Variants in DOCK7 observed in about 807,000 individuals in gnomAD.
The protein encoded by DOCK7 is dedicator of cytokinesis protein 7.
Under a neutral mutation model 271.0 loss-of-function variants are expected in DOCK7, and 138 were observed. The observed-to-expected ratio is 0.51, with a 90% confidence interval of 0.44 to 0.59. The LOEUF (loss-of-function observed/expected upper bound fraction) is 0.59, where lower values mean the gene tolerates loss of function less well. DOCK7 is among the 20% of genes least tolerant of loss of function. The probability of loss-of-function intolerance (pLI) is 0.00; values close to 1 mark genes in which losing one functional copy is unlikely to be tolerated. For missense variants in DOCK7, 2,066 were observed against 2,592.4 expected (o/e 0.80, Z 4.41); for synonymous variants, 823 against 876.1 (o/e 0.94, Z 1.07).
At chr1:62,580,674 G>A (rs879816757) in intron 16 of DOCK7, among the ~76,000 whole-genome samples, 4 of 151,726 alleles carry the variant, frequency 2.6e-5, no homozygotes, top group Non-Finnish European at 5.9e-5. Flanking sequence ...TAAAGATGAA[G>A]ATTAAAAAAA....
At chr1:62,645,714 C>T (rs1049971904) in intron 7 of DOCK7, among the ~76,000 whole-genome samples, 6 of 152,132 alleles carry the variant, frequency 3.9e-5, no homozygotes, top group Non-Finnish European at 8.8e-5. Context: ...ACTGAGTGAA[C>T]CACATAATAC....
intron 31 of DOCK7, among the ~76,000 whole-genome samples, chr1:62,525,529 C>G (rs911906474): frequency 1.3e-5 from 2 of 151,748 alleles, no homozygotes; most frequent in Non-Finnish European, 2.9e-5. Flanking sequence ...GTATACTTCA[C>G]AAAAGAAAAG....
intron 43 of DOCK7, chr1:62,478,270 A>G (rs1360201057): frequency 1.3e-5 from 2 of 153,760 alleles, no homozygotes; most frequent in African/African-American, 4.8e-5. Context: ...TAGCCTTTAT[A>G]TAACCTCTTC....
chr1:62,608,605 A>T (rs1651344033), intron 14 of DOCK7: 1 of 152,228 alleles, frequency 6.6e-6, no homozygotes, highest in Non-Finnish European at 1.5e-5. Context: ...TCTGAAAAAT[A>T]GTACTAAAAG....
At chr1:62,556,294 C>T (rs1440146412) in intron 20 of DOCK7, among the ~76,000 whole-genome samples, 1 of 151,484 alleles carries the variant, frequency 6.6e-6, no homozygotes, top group African/African-American at 2.4e-5. Context: ...ATACAAAGTA[C>T]ATAAGAAAAA....
At chr1:62,669,398 G>A (rs1206771003) in intron 1 of DOCK7, among the ~76,000 whole-genome samples, 3 of 152,192 alleles carry the variant, frequency 2.0e-5, no homozygotes, top group Non-Finnish European at 4.4e-5. Flanking sequence ...GAAGTATCAA[G>A]AATTTGGCTT....
chr1:62,536,589 T>A (rs1218933909), intron 28 of DOCK7, among the ~76,000 whole-genome samples: 1 of 152,146 alleles, frequency 6.6e-6, no homozygotes, highest in Non-Finnish European at 1.5e-5. Context: ...ATCCAGAAGA[T>A]TTTTTTACAG....
intron 31 of DOCK7, among the ~76,000 whole-genome samples, chr1:62,527,784 G>C (rs184209071): frequency 1.0e-4 from 15 of 149,058 alleles, no homozygotes; most frequent in African/African-American, 3.7e-4. Context: ...GTTAAATGAC[G>C]AGTTACTGGG....
At chr1:62,594,666 T>C (rs1007458864) in intron 14 of DOCK7, among the ~76,000 whole-genome samples, 1 of 152,120 alleles carries the variant, frequency 6.6e-6, no homozygotes, top group East Asian at 1.9e-4. Context: ...ATTCTGCACT[T>C]AGAAATCCCT....
chr1:62,668,880 G>A (rs566656839), intron 1 of DOCK7, among the ~76,000 whole-genome samples: 7 of 147,820 alleles, frequency 4.7e-5, no homozygotes, highest in South Asian at 2.1e-4. Flanking sequence ...AGCCTTAATC[G>A]TACCACTGCA....
At chr1:62,675,395 C>CTG (rs1660438257) in intron 1 of DOCK7, among the ~76,000 whole-genome samples, 1 of 152,146 alleles carries the variant, frequency 6.6e-6, no homozygotes, top group African/African-American at 2.4e-5. Flanking sequence ...GAGCAAGACC[C>CTG]TGTCTCAATC....
rs1433728677 is a variant in DOCK7, at chr1:62,559,056, A to G, written c.2364T>C (p.Phe788=). ...TCAGTTTATCTAGCAGAAGATGAAG[A>G]AATCGGACCACTGGTTCCAGCTGGG... is the stretch of plus-strand genomic sequence containing the variant. The part of the protein sequence containing the change: ...NSSQLEPVVR[F]LHLLLDKLIL... The change falls in exon 20 of 50, where the codon TTT becomes TTC. Residue 788 remains phenylalanine, a synonymous_variant. Coordinates refer to ENST00000635253, the MANE Select transcript of DOCK7 (RefSeq NM_001367561.1). The G allele has an allele frequency of 6.2e-7, 1 of 1,613,930 alleles. No individual in the cohort carries two copies. Among genetic ancestry groups the G allele is most frequent in the Admixed American group, 1.7e-5 (1 of 59,948 alleles).
In DOCK7 at chr1:62,682,809, T is replaced by C. The variant is rs138359880; in HGVS notation, c.38+5418A>G. 1.5e-4 allele frequency among the ~76,000 whole-genome samples: 23 copies of C among 152,212 alleles called. No homozygotes were observed. The East Asian group carries it at 4.3e-3, about 28-fold the overall frequency. On this transcript the variant is annotated intron_variant, in intron 1 of 49. Coordinates refer to ENST00000635253, the MANE Select transcript of DOCK7 (RefSeq NM_001367561.1). ...TCTTTGTTTTAGGATGAGAAAGACATAGTAAGTCTTATGGTTTAAGGGAAA... is the reference window on the plus strand; with the variant it reads ...TCTTTGTTTTAGGATGAGAAAGACACAGTAAGTCTTATGGTTTAAGGGAAA...
chr1:62,678,168 G>A (rs191819065), intron 1 of DOCK7, among the ~76,000 whole-genome samples: 199 of 152,178 alleles, frequency 1.3e-3, no homozygotes, highest in African/African-American at 3.9e-3. Context: ...AAATAAAAAT[G>A]TAAGAATGTT....
chr1:62,455,890 G>A (rs1457044030), intron 49 of DOCK7, among the ~76,000 whole-genome samples: 3 of 152,076 alleles, frequency 2.0e-5, no homozygotes, highest in African/African-American at 7.2e-5. Flanking sequence ...TCTTTTATGT[G>A]GGCTATATAT....
chr1:62,492,501 T>C (rs1243135574), intron 41 of DOCK7: 1 of 540,070 alleles, frequency 1.9e-6, no homozygotes, highest in Non-Finnish European at 3.2e-6. Flanking sequence ...TTCCCCATGC[T>C]GGTCTTGAAC....
intron 48 of DOCK7, among the ~76,000 whole-genome samples, chr1:62,473,169 C>T (rs981481340): frequency 6.6e-6 from 1 of 152,160 alleles, no homozygotes; most frequent in Non-Finnish European, 1.5e-5. Context: ...TTCACCTAAT[C>T]TGCACAGCTT....
chr1:62,599,198 A>G (rs1649746043), intron 14 of DOCK7, among the ~76,000 whole-genome samples: 1 of 152,070 alleles, frequency 6.6e-6, no homozygotes, highest in Non-Finnish European at 1.5e-5. Flanking sequence ...TTGGCTCTTT[A>G]GACCAAGATT....
rs1478096259 is a variant in DOCK7, at chr1:62,676,981, T to C, written c.38+11246A>G. ...TCAGGTTACACTGGTTTTCCTTGAA[T>C]GTCTTTGCATTTCACCAGTTCCATT... On this transcript the variant is annotated intron_variant, in intron 1 of 49. Coordinates refer to ENST00000635253, the MANE Select transcript of DOCK7 (RefSeq NM_001367561.1). 2.6e-5 allele frequency among the ~76,000 whole-genome samples: 4 copies of C among 152,354 alleles called. No individual in the cohort carries two copies. The South Asian group carries it at 6.2e-4, about 24-fold the overall frequency.
Sources: gnomAD v4.1 joint callset for allele counts (sites outside exome capture counted in the v4.1 genomes callset) on GRCh38, gnomAD v4.1.1 for gene constraint, MANE v1.5 for transcripts, NCBI Gene and HGNC (gene_info 2026-07-23, HGNC 2026-07-21) for gene names.